RAP1A: variants seen among roughly 807,000 people sequenced by gnomAD.
RAP1A encodes ras-related protein Rap-1A.
In RAP1A, 6 loss-of-function variants were observed where a neutral mutation model predicts 26.4. The observed-to-expected ratio is 0.23, with a 90% CI of 0.12 to 0.45. RAP1A has a LOEUF of 0.45. RAP1A is among the 20% of genes least tolerant of loss of function. RAP1A has a pLI of 0.99. For synonymous variants in RAP1A, 73 were observed against 79.4 expected (o/e 0.92, Z 0.43); for missense variants, 121 against 217.2 (o/e 0.56, Z 2.78).
chr1:111,550,150 T>G (rs1657202828), intron 1 of RAP1A, among the ~76,000 whole-genome samples: 2 of 152,206 alleles, frequency 1.3e-5, no homozygotes, highest in African/African-American at 4.8e-5. Flanking sequence ...ATTCTTTTTA[T>G]TTCTTTAAGA....
intron 1 of RAP1A, among the ~76,000 whole-genome samples, chr1:111,621,339 C>T (rs1227381871): frequency 1.3e-5 from 2 of 152,162 alleles, no homozygotes; most frequent in Non-Finnish European, 2.9e-5. Flanking sequence ...GATACTTTGA[C>T]ATAATAAGCA....
At chr1:111,635,329 A>C (rs1203554688) in intron 1 of RAP1A, among the ~76,000 whole-genome samples, 1 of 152,204 alleles carries the variant, frequency 6.6e-6, no homozygotes. Context: ...GGTATGCAAA[A>C]TCTTGCTTTG....
chr1:111,565,331 C>T (rs1473998846), intron 1 of RAP1A, among the ~76,000 whole-genome samples: 1 of 152,146 alleles, frequency 6.6e-6, no homozygotes, highest in African/African-American at 2.4e-5. Flanking sequence ...TTCAAACAAA[C>T]CAAGCAATTA....
At chr1:111,647,755 C>A (rs181337225) in intron 1 of RAP1A, among the ~76,000 whole-genome samples, 117 of 150,778 alleles carry the variant, frequency 7.8e-4, no homozygotes, top group African/African-American at 2.6e-3. Flanking sequence ...GAGGTCCAAG[C>A]TGGTCTCAAA....
At chr1:111,574,349 T>A (rs1658107032) in intron 1 of RAP1A, among the ~76,000 whole-genome samples, 1 of 152,176 alleles carries the variant, frequency 6.6e-6, no homozygotes, top group African/African-American at 2.4e-5. Flanking sequence ...ATGCTGTTTT[T>A]GTTACTCTAG....
chr1:111,601,666 A>C (rs1658674847), intron 1 of RAP1A, among the ~76,000 whole-genome samples: 1 of 152,188 alleles, frequency 6.6e-6, no homozygotes, highest in Admixed American at 6.5e-5. Flanking sequence ...AGTATAGTTG[A>C]GAGGTGCCCA....
chr1:111,648,206 T>TGTGTGTGTGTGTGTA (rs773470455), intron 1 of RAP1A: 129 of 142,610 alleles, frequency 9.0e-4, no homozygotes, highest in African/African-American at 5.5e-3. Context: ...TGTGTGTGTA[T>TGTGTGTGTGTGTGTA]TTTTTTTTTT....
chr1:111,567,894 T>G (rs1235121412), intron 1 of RAP1A, among the ~76,000 whole-genome samples: 1 of 152,166 alleles, frequency 6.6e-6, no homozygotes, highest in Non-Finnish European at 1.5e-5. Context: ...AAAATAAATT[T>G]CTGTTGTTTA....
chr1:111,644,547 A>G (rs765869744), intron 1 of RAP1A, among the ~76,000 whole-genome samples: 2 of 152,128 alleles, frequency 1.3e-5, no homozygotes, highest in Non-Finnish European at 2.9e-5. Context: ...TCTCACCACA[A>G]CTGCATTCAG....
intron 3 of RAP1A, among the ~76,000 whole-genome samples, chr1:111,695,923 T>C (rs1299747613): frequency 6.6e-6 from 1 of 152,210 alleles, no homozygotes; most frequent in Non-Finnish European, 1.5e-5. Context: ...CTGTGGACTC[T>C]TGGTGATAAC....
At chr1:111,674,648 T>G (rs1661070525) in intron 1 of RAP1A, among the ~76,000 whole-genome samples, 1 of 152,244 alleles carries the variant, frequency 6.6e-6, no homozygotes, top group South Asian at 2.1e-4. Context: ...TAAACCTCCT[T>G]TTGTATTTCC....
intron 1 of RAP1A, among the ~76,000 whole-genome samples, chr1:111,658,160 A>G (rs1660524812): frequency 6.6e-6 from 1 of 152,212 alleles, no homozygotes; most frequent in South Asian, 2.1e-4. Context: ...ATTATTAGGC[A>G]ATTTGTTAAA....
At chr1:111,563,546 TA>T (rs1657831363) in intron 1 of RAP1A, among the ~76,000 whole-genome samples, 2 of 152,164 alleles carry the variant, frequency 1.3e-5, no homozygotes, top group African/African-American at 4.8e-5. Context: ...TTATATACAA[TA>T]AATTCAGTGA....
chr1:111,701,573 T>C (rs189060603), intron 4 of RAP1A, among the ~76,000 whole-genome samples: 176 of 152,328 alleles, frequency 1.2e-3, no homozygotes, highest in Middle Eastern at 0.01. Flanking sequence ...GCTACAACTA[T>C]GTCAGTGGAT....
intron 1 of RAP1A, among the ~76,000 whole-genome samples, chr1:111,646,092 C>T (rs1660056094): frequency 6.6e-6 from 1 of 152,210 alleles, no homozygotes; most frequent in South Asian, 2.1e-4. Context: ...ATTTGCACTG[C>T]ACAATTCTTT....
intron 1 of RAP1A, among the ~76,000 whole-genome samples, chr1:111,681,212 C>A (rs998144513): frequency 3.9e-5 from 6 of 152,194 alleles, no homozygotes; most frequent in African/African-American, 9.7e-5. Flanking sequence ...TGTGTCATTG[C>A]ACTCCAGCCT....
intron 1 of RAP1A, among the ~76,000 whole-genome samples, chr1:111,634,023 T>C (rs1048412315): frequency 6.6e-6 from 1 of 152,220 alleles, no homozygotes; most frequent in African/African-American, 2.4e-5. Context: ...TCTAGTGTTC[T>C]GGGCTGAGCC....
intron 1 of RAP1A, among the ~76,000 whole-genome samples, chr1:111,622,091 A>G (rs1659228286): frequency 1.3e-5 from 2 of 152,312 alleles, no homozygotes; most frequent in South Asian, 4.1e-4. Flanking sequence ...AAGATACACA[A>G]TTTTGCAATC....
At chr1:111,638,022 G>A (rs1026602422) in intron 1 of RAP1A, among the ~76,000 whole-genome samples, 3 of 151,652 alleles carry the variant, frequency 2.0e-5, no homozygotes, top group Non-Finnish European at 2.9e-5. Flanking sequence ...ATCAATCTTT[G>A]TCTAGCCTTT....
Sources: gnomAD v4.1 joint callset for allele counts (sites outside exome capture counted in the v4.1 genomes callset) on GRCh38, gnomAD v4.1.1 for gene constraint, MANE v1.5 for transcripts, NCBI Gene and HGNC (gene_info 2026-07-23, HGNC 2026-07-21) for gene names.